FOXO3B: variants seen among roughly 807,000 people sequenced by gnomAD.
FOXO3B encodes forkhead box protein O3B.
In FOXO3B, 15 loss-of-function variants were observed where a neutral mutation model predicts 21.9. The ratio of observed to expected loss-of-function variants is 0.68; its 90% confidence interval spans 0.46 to 1.05. The LOEUF (loss-of-function observed/expected upper bound fraction) is 1.05, where lower values mean the gene tolerates loss of function less well. Ranked by LOEUF, FOXO3B falls within the 50% of genes least tolerant of loss-of-function variation. The pLI, the probability that FOXO3B is intolerant of heterozygous loss-of-function variation, is 0.00. For missense variants in FOXO3B, 293 were observed against 435.5 expected, an observed-to-expected ratio of 0.67 and a Z score of 2.91; for synonymous variants, 135 against 213.6, an observed-to-expected ratio of 0.63 and a Z score of 3.21.
chr17:18,675,120 A>AGAAGG (rs1260283026), intron 3 of FOXO3B, among the ~76,000 whole-genome samples: 1 of 151,264 alleles, frequency 6.6e-6, no homozygotes, highest in Non-Finnish European at 1.5e-5. Flanking sequence ...AAGAAGGCTA[A>AGAAGG]GAAGATACAC....
In FOXO3B at chr17:18,669,899, G is replaced by C. The variant is rs563779106; in HGVS notation, c.*2410C>G. On this transcript the variant is annotated 3_prime_UTR_variant, in exon 4 of 4. Transcript: ENST00000395675. ...CTGCAAGCTTAATGCTCACCTGTAA[G>C]TTCATTTGTTCTGCAAAGCAAAACA... Among the ~76,000 whole-genome samples the C allele has an allele frequency of 6.6e-6, 1 of 150,454 alleles. No homozygotes were observed. The highest frequency in any genetic ancestry group is 6.6e-5 in the Admixed American group (1 of 15,134).
At chr17:18,674,580 C>G (rs9910595) in intron 3 of FOXO3B, among the ~76,000 whole-genome samples, 4 of 144,268 alleles carry the variant, frequency 2.8e-5, no homozygotes, top group Non-Finnish European at 4.5e-5. Context: ...GAGCCAAGAT[C>G]GCACCACTGC....
Position 18,671,583 on chromosome 17 carries a change from A to T in FOXO3B, c.*726T>A. 1 of 1,613,376 alleles carries T rather than the reference A, an allele frequency of 6.2e-7. No homozygotes were observed. Among genetic ancestry groups the T allele is most frequent in the Non-Finnish European group, 8.5e-7 (1 of 1,179,776 alleles). ...TGGCTTGTTCTCTTGGATGGTCTGCATGGGAGACTGGCGTAGGGAGTTCAG... is the reference window on the plus strand; with the variant it reads ...TGGCTTGTTCTCTTGGATGGTCTGCTTGGGAGACTGGCGTAGGGAGTTCAG... On this transcript the variant is annotated 3_prime_UTR_variant, in exon 4 of 4. Transcript: ENST00000395675.
chr17:18,672,303 GTTC>G lies in FOXO3B; in HGVS notation c.*3_*5del, dbSNP rs752044101. 7.4e-4 allele frequency: 1,198 copies of G among 1,612,042 alleles called. No homozygotes were observed. Among genetic ancestry groups the G allele is most frequent in the Non-Finnish European group, 9.7e-4 (1,147 of 1,178,490 alleles). On this transcript the variant is annotated 3_prime_UTR_variant, in exon 4 of 4. Coordinates refer to ENST00000395675, the MANE Select transcript of FOXO3B (RefSeq NM_001368135.1). The surrounding 1 kb of genome is among the most constrained non-coding windows in gnomAD (Gnocchi z 4.2). ...GCAGTGACAGGTTGTGCCGGATGGA[GTTC>G]TTCTAGCCGGCAGAGCTGTTGCTGT... is the stretch of plus-strand genomic sequence containing the variant.
intron 3 of FOXO3B, among the ~76,000 whole-genome samples, chr17:18,676,554 T>A (rs1294870953): frequency 6.6e-6 from 1 of 152,184 alleles, no homozygotes; most frequent in African/African-American, 2.4e-5. Flanking sequence ...AGTGTAACAA[T>A]AAAACATACA....
intron 2 of FOXO3B, chr17:18,681,310 C>T (rs1597498342): frequency 7.4e-6 from 3 of 403,368 alleles, no homozygotes; most frequent in South Asian, 4.5e-5. Flanking sequence ...TTAACTACTA[C>T]GCCTGTTTTC....
In FOXO3B at chr17:18,668,343, A is replaced by T. The variant is rs1480755754; in HGVS notation, c.*3966T>A. ...AAAGCATTCCCTCTTCATTCTCCTG[A>T]TCTGTTTTATGCTGCCTTGCCCTTG... On this transcript the variant is annotated 3_prime_UTR_variant, in exon 4 of 4. Coordinates refer to ENST00000395675, the MANE Select transcript of FOXO3B (RefSeq NM_001368135.1). 1 of 152,538 alleles carries T rather than the reference A, an allele frequency of 6.6e-6. No individual in the cohort carries two copies. Among genetic ancestry groups the T allele is most frequent in the African/African-American group, 2.4e-5 (1 of 41,436 alleles). The allele number at this position is 152,538 out of a possible 1,614,324, so 9.4% of individuals were successfully genotyped here. A position where few individuals can be genotyped will look rare whatever the true frequency, so the allele number is the denominator to read the frequency against.
intron 3 of FOXO3B, among the ~76,000 whole-genome samples, chr17:18,679,730 G>A (rs929023547): frequency 6.6e-6 from 1 of 152,074 alleles, no homozygotes; most frequent in Non-Finnish European, 1.5e-5. Flanking sequence ...TTACAGGCAT[G>A]AGCCACCGTG....
At position 18,671,762 on chromosome 17, in the gene FOXO3B, G is replaced by C; in HGVS notation, c.*547C>G. On this transcript the variant is annotated 3_prime_UTR_variant, in exon 4 of 4. Coordinates refer to ENST00000395675, the MANE Select transcript of FOXO3B (RefSeq NM_001368135.1). ...GGAGCGTGATGTTATCCAGCAGGTCGTCCATGAGGTTTTCAGTCAGCCCCA... is the reference window on the plus strand; with the variant it reads ...GGAGCGTGATGTTATCCAGCAGGTCCTCCATGAGGTTTTCAGTCAGCCCCA... 3 of 1,613,346 alleles carry C rather than the reference G, an allele frequency of 1.9e-6. No homozygotes were observed. Among genetic ancestry groups the C allele is most frequent in the Non-Finnish European group, 1.7e-6 (2 of 1,179,700 alleles).
rs1173338172 is a variant in FOXO3B at position 18,672,363 on chromosome 17, C to T, written c.819G>A (p.Val273=). 2.5e-6 allele frequency: 4 copies of T among 1,611,810 alleles called. No individual in the cohort carries two copies. Among genetic ancestry groups the T allele is most frequent in the Non-Finnish European group, 3.4e-6 (4 of 1,179,034 alleles). Residue 273 remains valine, a synonymous_variant, in exon 4 of 4, where the codon GTG becomes GTA. Transcript: ENST00000395675. The surrounding 1 kb of genome is among the most constrained non-coding windows in gnomAD (Gnocchi z 4.2). The part of the protein sequence containing the change: ...LTLSQIYEWM[V]SCVPYFKDKG... ...TATCCTTGAAGTAGGGCACGCAACT[C>T]ACCATCCACTCGTAGATCTGGGACA... is the stretch of plus-strand genomic sequence containing the variant.
At chr17:18,677,060 A>G (rs1353002388) in intron 3 of FOXO3B, among the ~76,000 whole-genome samples, 1 of 152,268 alleles carries the variant, frequency 6.6e-6, no homozygotes, top group Non-Finnish European at 1.5e-5. Context: ...AAAATAAAAG[A>G]TATCACACAC....
rs535293729 is a variant in FOXO3B at position 18,670,399 on chromosome 17, G to A, written c.*1910C>T. ...ATGCTCAAACCTGGAATGGTAACTGGTACAACATTGTCTTTCTGTTTTTAA... is the reference window on the plus strand; with the variant it reads ...ATGCTCAAACCTGGAATGGTAACTGATACAACATTGTCTTTCTGTTTTTAA... On this transcript the variant is annotated 3_prime_UTR_variant, in exon 4 of 4. Transcript: ENST00000395675. Among the ~76,000 whole-genome samples the A allele has an allele frequency of 2.2e-4, 33 of 152,344 alleles. No individual in the cohort carries two copies. The highest frequency in any genetic ancestry group is 3.4e-4 in the Non-Finnish European group (23 of 68,032).
chr17:18,671,752 C>A lies in FOXO3B; in HGVS notation c.*557G>T. On this transcript the variant is annotated 3_prime_UTR_variant, in exon 4 of 4. Coordinates refer to ENST00000395675, the MANE Select transcript of FOXO3B (RefSeq NM_001368135.1). Reference sequence around the variant, plus strand: ...TGGGATGGCGGGAGCGTGATGTTATCCAGCAGGTCGTCCATGAGGTTTTCA... The same window carrying A: ...TGGGATGGCGGGAGCGTGATGTTATACAGCAGGTCGTCCATGAGGTTTTCA... 6.2e-7 allele frequency: 1 copy of A among 1,613,676 alleles called. No individual in the cohort carries two copies. The highest frequency in any genetic ancestry group is 8.5e-7 in the Non-Finnish European group (1 of 1,179,906).
intron 3 of FOXO3B, among the ~76,000 whole-genome samples, chr17:18,674,644 G>T (rs1488644129): frequency 3.4e-5 from 5 of 146,596 alleles, no homozygotes; most frequent in Admixed American, 6.7e-5. Context: ...AAAAAAGGGG[G>T]GGGGGAGATT....
chr17:18,672,935 C>T lies in FOXO3B; in HGVS notation c.247G>A (p.Ala83Thr). 1 of 1,533,878 alleles carries T rather than the reference C, an allele frequency of 6.5e-7. No individual in the cohort carries two copies. The change falls in exon 4 of 4, where the codon GCG (alanine) becomes ACG (threonine). Residue 83 changes from alanine to threonine, a missense_variant. Around this residue, in one of 2 missense-constraint regions of FOXO3B, gnomAD observed 251 missense variants for 404.0 expected, o/e 0.62. Coordinates refer to ENST00000395675, the MANE Select transcript of FOXO3B (RefSeq NM_001368135.1). This position sits in a 1 kb window ranked among gnomAD's most constrained non-coding sequence, Gnocchi z 4.2. ...SARTPAAAGR[A>T]AKMAEAPASP... ...GCCGGTGCCTCTGCCATCTTCGCCG[C>T]CCGCCCGGCCGCGGCTGGGGTTCTC...
Position 18,671,730 on chromosome 17 carries a change from G to C in FOXO3B, c.*579C>G. 6.2e-7 allele frequency: 1 copy of C among 1,613,826 alleles called. No individual in the cohort carries two copies. The highest frequency in any genetic ancestry group is 8.5e-7 in the Non-Finnish European group (1 of 1,179,974). ...GAGTCCCCCAGTGGGCGATGGCTGG[G>C]ATGGCGGGAGCGTGATGTTATCCAG... is the stretch of plus-strand genomic sequence containing the variant. On this transcript the variant is annotated 3_prime_UTR_variant, in exon 4 of 4. Coordinates refer to ENST00000395675, the MANE Select transcript of FOXO3B (RefSeq NM_001368135.1).
At chr17:18,675,680 T>C (rs2032469959) in intron 3 of FOXO3B, among the ~76,000 whole-genome samples, 1 of 152,162 alleles carries the variant, frequency 6.6e-6, no homozygotes, top group African/African-American at 2.4e-5. Flanking sequence ...CTAAGTATGC[T>C]GAGGAACTGG....
intron 3 of FOXO3B, among the ~76,000 whole-genome samples, chr17:18,675,588 T>C (rs955131944): frequency 2.9e-4 from 44 of 152,204 alleles, no homozygotes; most frequent in African/African-American, 9.6e-4. Flanking sequence ...TTATGAGCTA[T>C]ATATAATACT....
intron 3 of FOXO3B, among the ~76,000 whole-genome samples, chr17:18,675,726 A>G (rs1356531375): frequency 6.6e-6 from 1 of 152,180 alleles, no homozygotes; most frequent in Non-Finnish European, 1.5e-5. Flanking sequence ...CAGTAACATA[A>G]AATTATTCCA....
Sources: gnomAD v4.1 joint callset for allele counts (sites outside exome capture counted in the v4.1 genomes callset) on GRCh38, gnomAD v4.1.1 for gene constraint, gnomAD v4.1.1 regional missense constraint, Gnocchi (gnomAD v3.1) non-coding constraint, MANE v1.5 for transcripts, NCBI Gene and HGNC (gene_info 2026-07-23, HGNC 2026-07-21) for gene names.